ZNF589: variants seen among roughly 807,000 people sequenced by gnomAD.
The protein encoded by ZNF589 is zinc finger protein 589.
In ZNF589, 17 loss-of-function variants were observed where a neutral mutation model predicts 13.6. That is an observed-to-expected ratio of 1.25 (90% confidence interval 0.86 to 1.88). ZNF589 has a LOEUF of 1.88. Among genes scored for constraint, ZNF589 ranks in the 40% most tolerant of loss-of-function variants. The pLI is 0.00. For synonymous variants in ZNF589, 148 were observed against 161.6 expected (o/e 0.92, Z 0.64); for missense variants, 407 against 434.0 (o/e 0.94, Z 0.55).
chr3:48,256,988 AC>A, intron 2 of ZNF589: 1 of 598,532 alleles, frequency 1.7e-6, no homozygotes, highest in South Asian at 1.5e-5. Flanking sequence ...CAAATGTTGA[AC>A]CAGCTTTGCA....
chr3:48,255,661 C>T (rs1042587049), intron 2 of ZNF589, among the ~76,000 whole-genome samples: 1 of 151,150 alleles, frequency 6.6e-6, no homozygotes, highest in Non-Finnish European at 1.5e-5. Context: ...GCCTGGCTAG[C>T]TTTTGTGTTT....
chr3:48,261,512 C>T (rs1415504461), intron 3 of ZNF589, among the ~76,000 whole-genome samples: 1 of 152,078 alleles, frequency 6.6e-6, no homozygotes, highest in Non-Finnish European at 1.5e-5. Context: ...AAATGTTTAA[C>T]GTTTAAGGTA....
intron 2 of ZNF589, chr3:48,256,844 G>A (rs565726692): frequency 3.3e-5 from 44 of 1,317,768 alleles, no homozygotes; most frequent in Non-Finnish European, 4.2e-5. Context: ...GAAACCACGA[G>A]CTGGAAGCTG....
chr3:48,260,254 C>T (rs1484559750), intron 2 of ZNF589, among the ~76,000 whole-genome samples: 1 of 152,130 alleles, frequency 6.6e-6, no homozygotes, highest in Non-Finnish European at 1.5e-5. Context: ...CCTCCTACCT[C>T]AGCCTCCTGG....
intron 3 of ZNF589, among the ~76,000 whole-genome samples, chr3:48,265,436 G>A (rs1350383858): frequency 2.0e-5 from 3 of 151,506 alleles, no homozygotes; most frequent in East Asian, 1.9e-4. Context: ...ACAGGCCGGC[G>A]CCACCATGAC....
At chr3:48,258,295 G>A (rs955878708) in intron 2 of ZNF589, among the ~76,000 whole-genome samples, 2 of 152,108 alleles carry the variant, frequency 1.3e-5, no homozygotes, top group Admixed American at 6.6e-5. Context: ...ATTGTAAATG[G>A]TATGTTTTTA....
chr3:48,268,998 G>T lies in ZNF589; in HGVS notation c.*212G>T. On this transcript the variant is annotated 3_prime_UTR_variant, in exon 4 of 4. Coordinates refer to ENST00000354698, the MANE Select transcript of ZNF589 (RefSeq NM_016089.3). ...AAGTCGTCGCTCAAATCACATCGGA[G>T]AACACACTCAGGGGAGAAGCCTTAT... 1 of 760,428 alleles carries T rather than the reference G, an allele frequency of 1.3e-6. No individual in the cohort carries two copies. The highest frequency in any genetic ancestry group is 2.6e-5 in the East Asian group (1 of 39,138). The allele number at this position is 760,428 out of a possible 1,614,324, so 47.1% of individuals were successfully genotyped here.
intron 3 of ZNF589, among the ~76,000 whole-genome samples, chr3:48,261,812 C>CA (rs1259984998): frequency 6.6e-6 from 1 of 152,224 alleles, no homozygotes; most frequent in Non-Finnish European, 1.5e-5. Context: ...GAATTGGCCT[C>CA]ATTTCAATCC....
intron 1 of ZNF589, 89 bp downstream of exon 1, chr3:48,241,303 C>T: frequency 2.0e-6 from 3 of 1,514,614 alleles, no homozygotes; most frequent in Non-Finnish European, 2.7e-6. Flanking sequence ...CAGGGATGCG[C>T]GTGGGGTGCG....
Position 48,268,323 on chromosome 3 carries a change from G to T in ZNF589, c.632G>T (p.Gly211Val), listed in dbSNP as rs2034044370. Residue 211 changes from glycine to valine, a missense_variant, in exon 4 of 4, where the codon GGG becomes GTG. Gly to Val is a moderately radical substitution (Grantham distance 109). Coordinates refer to ENST00000354698, the MANE Select transcript of ZNF589 (RefSeq NM_016089.3). ...DRISKRAETPGFGAVTFGECA... is the reference protein window; with the variant it reads ...DRISKRAETPVFGAVTFGECA... ...ATTTCCAAGAGGGCAGAAACCCCAG[G>T]GTTTGGAGCAGTCACGTTTGGGGAG... 3 of 1,614,076 alleles carry T rather than the reference G, an allele frequency of 1.9e-6. No individual in the cohort carries two copies. The East Asian group carries it at 6.7e-5, about 36-fold the overall frequency.
intron 3 of ZNF589, among the ~76,000 whole-genome samples, chr3:48,262,025 T>G (rs2033972853): frequency 6.6e-6 from 1 of 152,230 alleles, no homozygotes; most frequent in Non-Finnish European, 1.5e-5. Flanking sequence ...TGGATCTCAC[T>G]GTATCCATTT....
chr3:48,242,464 A>T (rs1575290070), intron 1 of ZNF589, among the ~76,000 whole-genome samples: 1 of 150,528 alleles, frequency 6.6e-6, no homozygotes, highest in East Asian at 2.0e-4. Flanking sequence ...GGCTGGGCAA[A>T]TTTTTTTCTG....
In ZNF589 at chr3:48,269,109, C is replaced by A; in HGVS notation, c.*323C>A. 1.6e-6 allele frequency: 1 copy of A among 626,218 alleles called. No homozygotes were observed. Among genetic ancestry groups the A allele is most frequent in the East Asian group, 3.2e-5 (1 of 30,902 alleles). The allele number at this position is 626,218 out of a possible 1,614,324, so 38.8% of individuals were successfully genotyped here. A position where few individuals can be genotyped will look rare whatever the true frequency, so the allele number is the denominator to read the frequency against. On this transcript the variant is annotated 3_prime_UTR_variant, in exon 4 of 4. Transcript: ENST00000354698. Reference sequence around the variant, plus strand: ...ACACACACGGGAGAGAAGCCTTACACGTGCTTTGAGTGTGGGCGAAACTTT... The same window carrying A: ...ACACACACGGGAGAGAAGCCTTACAAGTGCTTTGAGTGTGGGCGAAACTTT...
intron 1 of ZNF589, among the ~76,000 whole-genome samples, chr3:48,244,005 T>C (rs1260258545): frequency 2.0e-5 from 3 of 152,156 alleles, no homozygotes; most frequent in Non-Finnish European, 4.4e-5. Context: ...GTTCCCTTTT[T>C]GGAGGACTTA....
In ZNF589 at chr3:48,241,134, T is replaced by G; in HGVS notation, c.-38T>G. The stretch of plus-strand genomic sequence containing the variant: ...TTCTAATCCGTTTCACACACGGTGC[T>G]GCTACCTCGTTTGCTTCGTGCGTGC... On this transcript the variant is annotated 5_prime_UTR_variant, in exon 1 of 4. Coordinates refer to ENST00000354698, the MANE Select transcript of ZNF589 (RefSeq NM_016089.3). The G allele has an allele frequency of 6.2e-7, 1 of 1,609,466 alleles. No homozygotes were observed.
intron 1 of ZNF589, among the ~76,000 whole-genome samples, chr3:48,241,534 A>G (rs560550528): frequency 3.3e-5 from 5 of 152,134 alleles, no homozygotes; most frequent in Admixed American, 1.3e-4. Flanking sequence ...TTATTATATT[A>G]TATCATATTT....
At chr3:48,264,286 G>A (rs1385772873) in intron 3 of ZNF589, among the ~76,000 whole-genome samples, 1 of 152,146 alleles carries the variant, frequency 6.6e-6, no homozygotes, top group Non-Finnish European at 1.5e-5. Context: ...TGTAATCCCA[G>A]CACACTGGGA....
At chr3:48,247,377 T>C (rs1327480941) in intron 1 of ZNF589, among the ~76,000 whole-genome samples, 1 of 152,044 alleles carries the variant, frequency 6.6e-6, no homozygotes, top group Non-Finnish European at 1.5e-5. Flanking sequence ...GGTAGAAAGA[T>C]GATGAGTGCT....
At chr3:48,243,777 A>G (rs2033730121) in intron 1 of ZNF589, among the ~76,000 whole-genome samples, 1 of 147,682 alleles carries the variant, frequency 6.8e-6, no homozygotes, top group South Asian at 2.2e-4. Context: ...GGGCACCAAG[A>G]GTGAAAGTCT....
Sources: gnomAD v4.1 joint callset for allele counts (sites outside exome capture counted in the v4.1 genomes callset) on GRCh38, gnomAD v4.1.1 for gene constraint, MANE v1.5 for transcripts, NCBI Gene and HGNC (gene_info 2026-07-23, HGNC 2026-07-21) for gene names.